PIEZO1: variants seen among roughly 807,000 people sequenced by gnomAD.
PIEZO1 encodes piezo type mechanosensitive ion channel component 1 (Er blood group), also known as piezo-type mechanosensitive ion channel component 1.
In PIEZO1, 296 loss-of-function variants were observed where a neutral mutation model predicts 297.2. That is an observed-to-expected ratio of 1.00 (90% CI 0.91 to 1.10). The LOEUF (loss-of-function observed/expected upper bound fraction) is 1.10, where lower values mean the gene tolerates loss of function less well. PIEZO1 is among the 50% of genes least tolerant of loss of function. PIEZO1 has a pLI of 0.00. For synonymous variants in PIEZO1, 2,427 were observed against 1,507.5 expected, an observed-to-expected ratio of 1.61 and a Z score of -14.13; for missense variants, 5,018 against 3,455.5, an observed-to-expected ratio of 1.45 and a Z score of -11.34.
At chr16:88,717,241 C>T in intron 44 of PIEZO1, 30 bp from the exon 45 acceptor site, 2 of 1,534,160 alleles carry the variant, frequency 1.3e-6, no homozygotes, top group Non-Finnish European at 1.8e-6. Flanking sequence ...GTCATACGCT[C>T]AGCTCTGCCC....
rs1341284218 is a variant in PIEZO1, at chr16:88,734,483, G to A, written c.2053C>T (p.Leu685=). ...GCCAGGAGGAAGAAGCCGGGCACCA[G>A]GATGCTGGAGAAGAGCTCGGACACG... ...FSVSELFSSI[L]VPGFFLLACI... is the part of the protein sequence containing the mutation. The change falls in exon 16 of 51, where the codon CTG becomes TTG. Residue 685 remains leucine, a synonymous_variant. Transcript: ENST00000301015. 8 of 1,549,432 alleles carry A rather than the reference G, an allele frequency of 5.2e-6. No individual in the cohort carries two copies. In the East Asian group the frequency reaches 9.8e-5, roughly 19 times the overall value.
rs150852918 is a variant in PIEZO1, at chr16:88,731,820, G to A, written c.3082C>T (p.Arg1028Cys). 1.3e-4 allele frequency: 195 copies of A among 1,530,958 alleles called. No homozygotes were observed. The highest frequency in any genetic ancestry group is 7.0e-4 in the Admixed American group (34 of 48,482). 94.8% of individuals were successfully genotyped at this position (1,530,958 alleles called of 1,614,324 possible). A position where few individuals can be genotyped will look rare whatever the true frequency, so the allele number is the denominator to read the frequency against. ...HGCWLVAILT[R>C]RHRQAIARLW... ...CGGGCAATGGCCTGGCGGTGCCTGC[G>A]GGTGAGGATGGCCACCAGCCAGCAA... Residue 1028 changes from arginine (R) to cysteine (C), a missense_variant, in exon 22 of 51, where the codon CGC (arginine) becomes TGC (cysteine). Transcript: ENST00000301015.
chr16:88,742,126 G>C (rs1905719413), intron 3 of PIEZO1, 31 bp from the exon 4 acceptor site: 2 of 1,535,348 alleles, frequency 1.3e-6, no homozygotes, highest in East Asian at 2.4e-5. Flanking sequence ...ACCCAGGTCA[G>C]GCTCTGCCCA....
rs775681365 is a variant in PIEZO1, at chr16:88,734,611, T to G, written c.1997+39A>C. On this transcript the variant is annotated intron_variant, in intron 15 of 50. Coordinates refer to ENST00000301015, the MANE Select transcript of PIEZO1 (RefSeq NM_001142864.4). ...TGCAGCCCCGGGGAAGTGCACGGGG[T>G]TTCGGCGCCCCTGCCCCACCGCCCC... is the stretch of plus-strand genomic sequence containing the variant. 5.8e-6 allele frequency: 9 copies of G among 1,548,176 alleles called. No individual in the cohort carries two copies. In the South Asian group the frequency reaches 8.3e-5, roughly 14 times the overall value.
At position 88,725,658 on chromosome 16, in the gene PIEZO1, T is replaced by G. The variant is rs201091400; in HGVS notation, c.3995A>C (p.Asn1332Thr). The G allele has an allele frequency of 2.1e-5, 33 of 1,548,420 alleles. No homozygotes were observed. Among genetic ancestry groups the G allele is most frequent in the Non-Finnish European group, 2.9e-5 (33 of 1,145,218 alleles). Reference sequence around the variant, plus strand: ...GCGGTGAAAGTCAATGCTCTTGAGGTTGGCAGCGTTGTAGAGGGCGAAGCC... The same window carrying G: ...GCGGTGAAAGTCAATGCTCTTGAGGGTGGCAGCGTTGTAGAGGGCGAAGCC... ...SRGFALYNAA[N>T]LKSIDFHRRI... Residue 1332 changes from asparagine (N) to threonine (T), a missense_variant, in exon 28 of 51, where the codon AAC (asparagine) becomes ACC (threonine). Coordinates refer to ENST00000301015, the MANE Select transcript of PIEZO1 (RefSeq NM_001142864.4).
At position 88,715,800 on chromosome 16, in the gene PIEZO1, T is replaced by A. The variant is rs938218192; in HGVS notation, c.7371A>T (p.Gly2457=). 9 of 1,550,098 alleles carry A rather than the reference T, an allele frequency of 5.8e-6. No individual in the cohort carries two copies. The South Asian group carries it at 5.9e-5, about 10-fold the overall frequency. The change falls in exon 51 of 51, where the codon GGA becomes GGT. Residue 2457 remains glycine, a synonymous_variant. Transcript: ENST00000301015. ...TGGAGTGCGAGATCTCGCTGAAGAA[T>A]CCGCGCACGAACTTGCCGATGACCA... ...IVLVIGKFVR[G]FFSEISHSIM...
chr16:88,764,515 AGCTAAG>A lies in PIEZO1; in HGVS notation c.65-15042_65-15037del, dbSNP rs528096282. Reference sequence around the variant, plus strand: ...CACCTGTAATGCCAACACTTTGGGAAGCTAAGGCGGGTGGATCATGAGGTCAGGAGT... The same window carrying A: ...CACCTGTAATGCCAACACTTTGGGAAGCGGGTGGATCATGAGGTCAGGAGT... On this transcript the variant is annotated intron_variant, in intron 1 of 50. Transcript: ENST00000301015. Among the ~76,000 whole-genome samples the A allele has an allele frequency of 7.8e-3, 1,190 of 152,152 alleles. 22 individuals are homozygous for A. Among genetic ancestry groups the A allele is most frequent in the African/African-American group, 0.027 (1,107 of 41,522 alleles).
intron 1 of PIEZO1, among the ~76,000 whole-genome samples, chr16:88,754,499 G>A (rs894435999): frequency 6.6e-6 from 1 of 152,210 alleles, no homozygotes; most frequent in African/African-American, 2.4e-5. Context: ...CCGGGTGGGA[G>A]AGGAGAAACT....
At chr16:88,740,530 C>T (rs1905573197) in intron 5 of PIEZO1, 1 of 152,378 alleles carries the variant, frequency 6.6e-6, no homozygotes, top group East Asian at 1.9e-4. Flanking sequence ...CCGGAAAAGC[C>T]ACTTGACCTC....
chr16:88,761,016 G>A (rs959585251), intron 1 of PIEZO1, among the ~76,000 whole-genome samples: 2 of 152,208 alleles, frequency 1.3e-5, no homozygotes, highest in African/African-American at 2.4e-5. Context: ...ACCTGCTGGC[G>A]TGGAGAGTCA....
intron 15 of PIEZO1, 25 bp downstream of exon 15, chr16:88,734,625 C>G: frequency 6.5e-7 from 1 of 1,549,816 alleles, no homozygotes; most frequent in Non-Finnish European, 8.7e-7. Flanking sequence ...GGCGCCCCTG[C>G]CCCACCGCCC....
chr16:88,771,533 G>T (rs185372783), intron 1 of PIEZO1, among the ~76,000 whole-genome samples: 236 of 152,334 alleles, frequency 1.5e-3, no homozygotes, highest in Middle Eastern at 6.8e-3. Context: ...TGGGCTCAGG[G>T]GCCACACACG....
intron 10 of PIEZO1, 40 bp downstream of exon 10, chr16:88,737,519 C>T: frequency 7.1e-7 from 1 of 1,416,398 alleles, no homozygotes; most frequent in Middle Eastern, 2.4e-4. Context: ...TCCGCCCCGC[C>T]CCCCGCACCC....
At chr16:88,731,962 G>GCGGGGTGTGGGGCTGC in intron 21 of PIEZO1, 52 bp from the exon 22 acceptor site, 1 of 118,600 alleles carries the variant, frequency 8.4e-6, no homozygotes, top group Non-Finnish European at 2.0e-5. Flanking sequence ...TGGGGGGAGG[G>GCGGGGTGTGGGGCTGC]ACTTTCTTGT....
rs772328090 is a variant in PIEZO1, at chr16:88,726,682, A to AGCGGGGCCCCG, written c.3699+32_3699+33insCGGGGCCCCGC. The AGCGGGGCCCCG allele has an allele frequency of 3.5e-4, 537 of 1,544,894 alleles. 4 individuals are homozygous for AGCGGGGCCCCG. Among genetic ancestry groups the AGCGGGGCCCCG allele is most frequent in the Middle Eastern group, 5.2e-4 (3 of 5,792 alleles). On this transcript the variant is annotated intron_variant, in intron 25 of 50. Transcript: ENST00000301015. The stretch of plus-strand genomic sequence containing the variant: ...GGGTCAGCGGGGCCAGCGGGGCCCC[A>AGCGGGGCCCCG]GGGCGGTGGGTGCGGGGGGGCCGGA...
rs1242976077 is a variant in PIEZO1 at position 88,751,401 on chromosome 16, C to T, written c.65-1922G>A. On this transcript the variant is annotated intron_variant, in intron 1 of 50. Transcript: ENST00000301015. The stretch of plus-strand genomic sequence containing the variant: ...ACAGCCCCTCCCTTCCCACTCTCAA[C>T]AGCTTCACCCTTCCACCCTCCCGGA... Among the ~76,000 whole-genome samples the T allele has an allele frequency of 3.3e-5, 5 of 152,218 alleles. 1 individual carries two copies. The South Asian group carries it at 8.3e-4, about 25-fold the overall frequency.
At chr16:88,775,011 G>T (rs752972915) in intron 1 of PIEZO1, among the ~76,000 whole-genome samples, 2 of 152,230 alleles carry the variant, frequency 1.3e-5, no homozygotes, top group African/African-American at 2.4e-5. Flanking sequence ...GGGACCCAAA[G>T]GCACCCACTC....
chr16:88,743,109 G>GCCAGGCAGGGA, intron 2 of PIEZO1: 1 of 456,578 alleles, frequency 2.2e-6, no homozygotes, highest in East Asian at 6.9e-5. Flanking sequence ...CTGGTTGCCT[G>GCCAGGCAGGGA]GCAGCCTTGT....
At chr16:88,774,661 G>T (rs900785321) in intron 1 of PIEZO1, among the ~76,000 whole-genome samples, 1 of 152,220 alleles carries the variant, frequency 6.6e-6, no homozygotes, top group Admixed American at 6.5e-5. Context: ...GACCCATGAA[G>T]AAGGGCCGAC....
Sources: allele counts gnomAD v4.1 joint callset (sites outside exome capture counted in the v4.1 genomes callset), GRCh38; gene constraint gnomAD v4.1.1; transcripts MANE v1.5; gene names NCBI Gene and HGNC (gene_info 2026-07-23, HGNC 2026-07-21).